The following AFAP1 variants were observed in gnomAD, a reference collection of about 807,000 sequenced individuals.
The protein encoded by AFAP1 is actin filament associated protein 1.
AFAP1 carries 75 observed loss-of-function variants against 93.9 expected under a neutral mutation model. The ratio of observed to expected loss-of-function variants is 0.80; its 90% CI spans 0.66 to 0.97. The LOEUF is 0.97. AFAP1 is among the 50% of genes least tolerant of loss of function. The pLI is 0.00. For synonymous variants in AFAP1, 517 were observed against 430.7 expected (o/e 1.20, Z -2.48); for missense variants, 1,201 against 1,050.8 (o/e 1.14, Z -1.98).
intron 1 of AFAP1, among the ~76,000 whole-genome samples, chr4:7,908,666 C>T (rs1719560076): frequency 6.6e-6 from 1 of 152,178 alleles, no homozygotes; most frequent in Admixed American, 6.5e-5. Context: ...GGCAAAACAA[C>T]ATTCCTTGTT....
chr4:7,921,060 AT>A (rs1346174339), intron 1 of AFAP1, among the ~76,000 whole-genome samples: 2 of 151,802 alleles, frequency 1.3e-5, no homozygotes, highest in East Asian at 1.9e-4. Flanking sequence ...AAGAAAATGC[AT>A]TTTCAAATTA....
At chr4:7,815,230 T>C (rs2149062684) in intron 8 of AFAP1, among the ~76,000 whole-genome samples, 1 of 150,724 alleles carries the variant, frequency 6.6e-6, no homozygotes, top group Middle Eastern at 3.6e-3. Flanking sequence ...GGAAGCAAAA[T>C]CGGGTGCCAG....
intron 1 of AFAP1, among the ~76,000 whole-genome samples, chr4:7,914,888 T>C (rs6846317): frequency 0.57 from 87,121 of 151,794 alleles, 28,260 homozygotes; most frequent in African/African-American, 0.86. Flanking sequence ...GCTGGGATTA[T>C]GGGCGCCCAC....
At chr4:7,780,401 A>G (rs1716638442) in intron 13 of AFAP1, among the ~76,000 whole-genome samples, 1 of 152,254 alleles carries the variant, frequency 6.6e-6, no homozygotes. Flanking sequence ...TATTTTCTTA[A>G]GATTATCCAA....
chr4:7,844,328 A>G (rs746229354), intron 4 of AFAP1, among the ~76,000 whole-genome samples: 1 of 152,208 alleles, frequency 6.6e-6, no homozygotes, highest in Non-Finnish European at 1.5e-5. Flanking sequence ...GTGAGGACAC[A>G]GTGAGGACTT....
chr4:7,846,498 T>C (rs558889059), intron 4 of AFAP1, among the ~76,000 whole-genome samples: 1 of 152,316 alleles, frequency 6.6e-6, no homozygotes, highest in East Asian at 1.9e-4. Context: ...TTCAGAAAGA[T>C]GATTCTCATA....
intron 1 of AFAP1, among the ~76,000 whole-genome samples, chr4:7,887,893 C>T (rs1422771127): frequency 1.3e-5 from 2 of 151,746 alleles, no homozygotes; most frequent in Admixed American, 1.3e-4. Flanking sequence ...GTGGCACAAT[C>T]TCAGCTCACC....
At position 7,772,618 on chromosome 4, in the gene AFAP1, G is replaced by A. The variant is rs374260513; in HGVS notation, c.2253+202C>T. ...TTTCCACAGCTTTTAACATTTCAGCGAGAGGTGAGAAAGCATGTCAGGAAC... is the reference window on the plus strand; with the variant it reads ...TTTCCACAGCTTTTAACATTTCAGCAAGAGGTGAGAAAGCATGTCAGGAAC... On this transcript the variant is annotated intron_variant, in intron 16 of 17. Coordinates refer to ENST00000420658, the MANE Select transcript of AFAP1 (RefSeq NM_001134647.2). 49 of 567,770 alleles carry A rather than the reference G, an allele frequency of 8.6e-5. No homozygotes were observed. The Middle Eastern group carries it at 1.9e-3, about 22-fold the overall frequency. The allele number at this position is 567,770 out of a possible 1,614,324, so 35.2% of individuals were successfully genotyped here.
chr4:7,815,954 T>G, intron 8 of AFAP1, 64 bp downstream of exon 8: 2 of 1,421,618 alleles, frequency 1.4e-6, no homozygotes, highest in Non-Finnish European at 1.9e-6. Context: ...CAAACCTGGC[T>G]GTAGATTTTT....
intron 1 of AFAP1, among the ~76,000 whole-genome samples, chr4:7,918,788 C>A: frequency 8.2e-6 from 1 of 121,498 alleles, no homozygotes; most frequent in Admixed American, 8.4e-5. Context: ...GCCCAGGTCA[C>A]CAGGAAACAG....
At chr4:7,848,239 GAGGAAGGGAGGGAGGGA>G (rs2149127716) in intron 4 of AFAP1, among the ~76,000 whole-genome samples, 1 of 142,376 alleles carries the variant, frequency 7.0e-6, no homozygotes, top group South Asian at 2.6e-4. Context: ...CGGATGGAGG[GAGGAAGGGAGGGAGGGA>G]AGGAAGGGAG....
intron 1 of AFAP1, among the ~76,000 whole-genome samples, chr4:7,923,369 A>G (rs1192050460): frequency 6.6e-6 from 1 of 152,248 alleles, no homozygotes; most frequent in African/African-American, 2.4e-5. Context: ...CTGGAAGTCC[A>G]AGATCAAGGT....
intron 9 of AFAP1, among the ~76,000 whole-genome samples, chr4:7,809,123 A>G (rs928890347): frequency 2.0e-5 from 3 of 151,886 alleles, no homozygotes; most frequent in Non-Finnish European, 4.4e-5. Flanking sequence ...GGTTAGTTAC[A>G]TATGTATACA....
chr4:7,801,941 A>AAAAAAAAAAAAG (rs1577227448), intron 9 of AFAP1, among the ~76,000 whole-genome samples: 1 of 142,768 alleles, frequency 7.0e-6, no homozygotes, highest in Non-Finnish European at 1.5e-5. Context: ...AAAAAAAAAA[A>AAAAAAAAAAAAG]ACTAATCAAT....
At chr4:7,916,412 T>C (rs1017000592) in intron 1 of AFAP1, among the ~76,000 whole-genome samples, 3 of 152,198 alleles carry the variant, frequency 2.0e-5, no homozygotes, top group African/African-American at 7.2e-5. Context: ...GATGTCTGAT[T>C]GCACTCACTT....
At chr4:7,821,821 T>C (rs1380185986) in intron 6 of AFAP1, among the ~76,000 whole-genome samples, 1 of 152,178 alleles carries the variant, frequency 6.6e-6, no homozygotes, top group Non-Finnish European at 1.5e-5. Flanking sequence ...ACCAGGATAG[T>C]GTTTCCAGCC....
chr4:7,907,948 A>G (rs2149223039), intron 1 of AFAP1, among the ~76,000 whole-genome samples: 1 of 152,308 alleles, frequency 6.6e-6, no homozygotes, highest in African/African-American at 2.4e-5. Context: ...GAATACATAC[A>G]CGCCTATAAT....
chr4:7,817,210 T>C (rs1035000383), intron 7 of AFAP1, among the ~76,000 whole-genome samples: 1 of 152,238 alleles, frequency 6.6e-6, no homozygotes. Flanking sequence ...TTTGGTCTAG[T>C]AATTCAGCTT....
At chr4:7,826,980 G>A (rs1021915512) in intron 6 of AFAP1, among the ~76,000 whole-genome samples, 1 of 152,154 alleles carries the variant, frequency 6.6e-6, no homozygotes, top group Non-Finnish European at 1.5e-5. Flanking sequence ...AAAACATGCT[G>A]AAATAGCTCA....
Sources: allele counts gnomAD v4.1 joint callset (sites outside exome capture counted in the v4.1 genomes callset), GRCh38; gene constraint gnomAD v4.1.1; transcripts MANE v1.5; gene names NCBI Gene and HGNC (gene_info 2026-07-23, HGNC 2026-07-21).